ZNF793: variants seen among roughly 807,000 people sequenced by gnomAD.
ZNF793 encodes the protein zinc finger protein 793.
Under a neutral mutation model 12.4 loss-of-function variants are expected in ZNF793, and 5 were observed. That is an observed-to-expected ratio of 0.40 (90% CI 0.21 to 0.84). The LOEUF (loss-of-function observed/expected upper bound fraction) is 0.84. ZNF793 is among the 40% of genes least tolerant of loss of function. The pLI is 0.35. For synonymous variants in ZNF793, 162 were observed against 172.4 expected, an observed-to-expected ratio of 0.94 and a Z score of 0.47; for missense variants, 456 against 495.0, an observed-to-expected ratio of 0.92 and a Z score of 0.75.
At position 37,536,883 on chromosome 19, in the gene ZNF793, T is replaced by C; in HGVS notation, c.239-14T>C. The C allele has an allele frequency of 6.3e-7, 1 of 1,584,122 alleles. No individual in the cohort carries two copies. ...ATGAAGTTTCATAAGGATGATTCACTGTACTTTCTCCAGAAGACATCTGGC... is the reference window on the plus strand; with the variant it reads ...ATGAAGTTTCATAAGGATGATTCACCGTACTTTCTCCAGAAGACATCTGGC... On this transcript the variant is annotated splice_polypyrimidine_tract_variant and intron_variant, in intron 7 of 7. Transcript: ENST00000627814.
chr19:37,521,599 A>G (rs2042376940), intron 3 of ZNF793, among the ~76,000 whole-genome samples: 1 of 150,664 alleles, frequency 6.6e-6, no homozygotes. Flanking sequence ...ACGCTTCACC[A>G]CGCCTGGCTA....
rs1470382134 is a variant in ZNF793, at chr19:37,541,072, C to A, written c.*3193C>A. On this transcript the variant is annotated 3_prime_UTR_variant, in exon 8 of 8. Coordinates refer to ENST00000627814, the MANE Select transcript of ZNF793 (RefSeq NM_001013659.3). ...TTGGCAAAGGAACAGGTAAATACATCATTAGAACACAGTAGAAAATTCAGA... is the reference window on the plus strand; with the variant it reads ...TTGGCAAAGGAACAGGTAAATACATAATTAGAACACAGTAGAAAATTCAGA... 6.6e-6 allele frequency: 1 copy of A among 151,870 alleles called. No homozygotes were observed. Among genetic ancestry groups the A allele is most frequent in the Non-Finnish European group, 1.5e-5 (1 of 67,988 alleles). 9.4% of individuals were successfully genotyped at this position (151,870 alleles called of 1,614,324 possible). A position where few individuals can be genotyped will look rare whatever the true frequency, so the allele number is the denominator to read the frequency against.
At position 37,541,341 on chromosome 19, in the gene ZNF793, A is replaced by G. The variant is rs1178918987; in HGVS notation, c.*3462A>G. The G allele has an allele frequency of 6.6e-6, 1 of 152,240 alleles. No individual in the cohort carries two copies. The highest frequency in any genetic ancestry group is 1.5e-5 in the Non-Finnish European group (1 of 68,046). The allele number at this position is 152,240 out of a possible 1,614,324, so 9.4% of individuals were successfully genotyped here. ...ATGTGTACAATCTAGGAGTTGGGAG[A>G]TATTAACTTTACCAACACAGGACAC... On this transcript the variant is annotated 3_prime_UTR_variant, in exon 8 of 8. Coordinates refer to ENST00000627814, the MANE Select transcript of ZNF793 (RefSeq NM_001013659.3).
chr19:37,517,858 G>A (rs755590727), intron 2 of ZNF793, among the ~76,000 whole-genome samples: 11 of 151,498 alleles, frequency 7.3e-5, no homozygotes, highest in Non-Finnish European at 1.6e-4. Context: ...TGTACATTTT[G>A]TTATTGTTAT....
chr19:37,538,051 A>G lies in ZNF793; in HGVS notation c.*172A>G. The G allele has an allele frequency of 1.4e-6, 1 of 706,048 alleles. No individual in the cohort carries two copies. The highest frequency in any genetic ancestry group is 2.1e-5 in the South Asian group (1 of 46,672). 43.7% of individuals were successfully genotyped at this position (706,048 alleles called of 1,614,324 possible). A position where few individuals can be genotyped will look rare whatever the true frequency, so the allele number is the denominator to read the frequency against. ...CTCAGCCTCCCGAGTAGCTGGGACT[A>G]CAGGTGCCCACCACCATGCCCGGCT... On this transcript the variant is annotated 3_prime_UTR_variant, in exon 8 of 8. Transcript: ENST00000627814.
chr19:37,507,835 C>G (rs1479814429), intron 1 of ZNF793, among the ~76,000 whole-genome samples: 1 of 152,152 alleles, frequency 6.6e-6, no homozygotes, highest in Admixed American at 6.5e-5. Flanking sequence ...CCTGTAGTCT[C>G]TCCTGGTCAG....
At position 37,509,848 on chromosome 19, in the gene ZNF793, C is replaced by T. The variant is rs150589928; in HGVS notation, c.-276+1445C>T. 5.4e-3 allele frequency among the ~76,000 whole-genome samples: 816 copies of T among 152,248 alleles called. 11 individuals carry two copies. Among genetic ancestry groups the T allele is most frequent in the African/African-American group, 0.017 (725 of 41,550 alleles). The stretch of plus-strand genomic sequence containing the variant: ...AGATCAGAAAACAACATTCTAGCAC[C>T]GTGCCCTCATGATGCCCCTCCCAGT... On this transcript the variant is annotated intron_variant, in intron 2 of 7. Transcript: ENST00000627814.
intron 5 of ZNF793, among the ~76,000 whole-genome samples, chr19:37,529,913 G>A (rs1022479960): frequency 2.0e-5 from 3 of 152,066 alleles, no homozygotes; most frequent in African/African-American, 7.2e-5. Context: ...AAATAATGGG[G>A]CCCAGGGTAC....
chr19:37,531,449 G>A (rs1332705501), intron 5 of ZNF793: 1 of 154,048 alleles, frequency 6.5e-6, no homozygotes, highest in Non-Finnish European at 1.5e-5. Flanking sequence ...TTACAGGGGT[G>A]AGCCACTGTG....
intron 7 of ZNF793, chr19:37,535,660 GACTACAGGTGTGTGCC>G (rs2042499026): frequency 6.6e-6 from 1 of 152,122 alleles, no homozygotes; most frequent in Non-Finnish European, 1.5e-5. Context: ...GAGTAGCTGG[GACTACAGGTGTGTGCC>G]ACCACGCCCA....
chr19:37,515,150 A>G (rs1253196369), intron 2 of ZNF793, among the ~76,000 whole-genome samples: 2 of 152,196 alleles, frequency 1.3e-5, no homozygotes, highest in African/African-American at 2.4e-5. Flanking sequence ...AAACAGAAGT[A>G]TTGGACAAGA....
intron 2 of ZNF793, among the ~76,000 whole-genome samples, chr19:37,513,509 G>T (rs943435832): frequency 3.9e-5 from 6 of 152,170 alleles, no homozygotes; most frequent in Admixed American, 2.6e-4. Flanking sequence ...GAATCACAAA[G>T]AAAACATCTT....
intron 1 of ZNF793, chr19:37,507,182 C>T (rs1466096041): frequency 6.5e-6 from 1 of 152,784 alleles, no homozygotes; most frequent in African/African-American, 2.4e-5. Context: ...CTCGCGGGGC[C>T]TCAGTGGTGG....
intron 5 of ZNF793, 83 bp from the exon 6 acceptor site, chr19:37,532,273 G>A: frequency 2.0e-6 from 3 of 1,512,624 alleles, no homozygotes; most frequent in South Asian, 1.2e-5. Context: ...CAAAGTGCTG[G>A]GATTATAGGC....
intron 2 of ZNF793, among the ~76,000 whole-genome samples, chr19:37,510,977 G>T (rs10411574): frequency 0.23 from 35,013 of 151,716 alleles, 4,575 homozygotes; most frequent in African/African-American, 0.36. Flanking sequence ...GATTACAGGC[G>T]TGAGCCACCA....
rs1359241800 is a variant in ZNF793 at position 37,540,040 on chromosome 19, T to C, written c.*2161T>C. On this transcript the variant is annotated 3_prime_UTR_variant, in exon 8 of 8. Coordinates refer to ENST00000627814, the MANE Select transcript of ZNF793 (RefSeq NM_001013659.3). ...GCTCACGCCTGTAATCCCAACACTT[T>C]GGGAGGCCGAGGCAGGTGGATCATG... 6.6e-6 allele frequency: 1 copy of C among 152,022 alleles called. No homozygotes were observed. Among genetic ancestry groups the C allele is most frequent in the African/African-American group, 2.4e-5 (1 of 41,414 alleles). 9.4% of individuals were successfully genotyped at this position (152,022 alleles called of 1,614,324 possible).
Position 37,540,455 on chromosome 19 carries a change from G to A in ZNF793, c.*2576G>A, listed in dbSNP as rs1053384987. ...GCATCAATCAAATTAACAGTTTAAAGGAGAAGAATCATATGAACTCTCAAC... is the reference window on the plus strand; with the variant it reads ...GCATCAATCAAATTAACAGTTTAAAAGAGAAGAATCATATGAACTCTCAAC... On this transcript the variant is annotated 3_prime_UTR_variant, in exon 8 of 8. Coordinates refer to ENST00000627814, the MANE Select transcript of ZNF793 (RefSeq NM_001013659.3). The A allele has an allele frequency of 2.0e-5, 3 of 151,200 alleles. No individual in the cohort carries two copies. Among genetic ancestry groups the A allele is most frequent in the African/African-American group, 7.3e-5 (3 of 41,264 alleles). 9.4% of individuals were successfully genotyped at this position (151,200 alleles called of 1,614,324 possible). A position where few individuals can be genotyped will look rare whatever the true frequency, so the allele number is the denominator to read the frequency against.
intron 1 of ZNF793, 120 bp downstream of exon 1, chr19:37,507,086 C>T (rs963839252): frequency 6.6e-6 from 1 of 152,290 alleles, no homozygotes; most frequent in Non-Finnish European, 1.5e-5. Context: ...GAGCTGCCGA[C>T]TACGGTGGCC....
rs775801609 is a variant in ZNF793 at position 37,538,978 on chromosome 19, ATTG to A, written c.*1102_*1104del. ...AAAAATAACAACAACATGGCCCACT[ATTG>A]TTAAAAGAACTTTATTATACCAGCT... On this transcript the variant is annotated 3_prime_UTR_variant, in exon 8 of 8. Coordinates refer to ENST00000627814, the MANE Select transcript of ZNF793 (RefSeq NM_001013659.3). 2.0e-5 allele frequency: 3 copies of A among 152,218 alleles called. No homozygotes were observed. The highest frequency in any genetic ancestry group is 4.4e-5 in the Non-Finnish European group (3 of 68,032). The allele number at this position is 152,218 out of a possible 1,614,324, so 9.4% of individuals were successfully genotyped here.
Sources: gnomAD v4.1 joint callset for allele counts (sites outside exome capture counted in the v4.1 genomes callset) on GRCh38, gnomAD v4.1.1 for gene constraint, MANE v1.5 for transcripts, NCBI Gene and HGNC (gene_info 2026-07-23, HGNC 2026-07-21) for gene names.